Variants in DPH6 observed in about 807,000 individuals in gnomAD.
The protein encoded by DPH6 is diphthamine biosynthesis 6, also known as diphthine--ammonia ligase.
DPH6 carries 33 observed loss-of-function variants against 38.2 expected under a neutral mutation model. That is an observed-to-expected ratio of 0.86 (90% CI 0.65 to 1.15). The LOEUF (loss-of-function observed/expected upper bound fraction) is 1.15, where lower values mean the gene tolerates loss of function less well. DPH6 is among the 50% of genes most tolerant of loss of function. DPH6 has a pLI of 0.00. For synonymous variants in DPH6, 108 were observed against 103.0 expected, an observed-to-expected ratio of 1.05 and a Z score of -0.30; for missense variants, 325 against 320.0, an observed-to-expected ratio of 1.02 and a Z score of -0.12.
intron 3 of DPH6, among the ~76,000 whole-genome samples, chr15:35,256,165 A>C (rs2140413453): frequency 6.6e-6 from 1 of 152,266 alleles, no homozygotes; most frequent in East Asian, 1.9e-4. Flanking sequence ...TAATAAGGCA[A>C]TATTTACAAA....
chr15:35,353,144 A>T (rs946671226), intron 3 of DPH6, among the ~76,000 whole-genome samples: 1 of 151,746 alleles, frequency 6.6e-6, no homozygotes, highest in Non-Finnish European at 1.5e-5. Flanking sequence ...TTTTCTTGTA[A>T]ATTTGTTTGA....
chr15:35,348,388 T>C (rs761614075), intron 3 of DPH6, among the ~76,000 whole-genome samples: 2 of 152,202 alleles, frequency 1.3e-5, no homozygotes, highest in Non-Finnish European at 2.9e-5. Flanking sequence ...TTTCCCAACA[T>C]CTTTTGTTGA....
chr15:35,305,190 C>G (rs561048798), intron 3 of DPH6, among the ~76,000 whole-genome samples: 2 of 152,112 alleles, frequency 1.3e-5, no homozygotes, highest in African/African-American at 4.8e-5. Context: ...GTTGGTTCTA[C>G]TATAGATGAT....
intron 3 of DPH6, among the ~76,000 whole-genome samples, chr15:35,222,635 G>C (rs1396073180): frequency 6.6e-6 from 1 of 151,984 alleles, no homozygotes; most frequent in Non-Finnish European, 1.5e-5. Flanking sequence ...TATGAACTGG[G>C]GTACAGAAAA....
At chr15:35,321,418 T>C (rs1186791635) in intron 3 of DPH6, among the ~76,000 whole-genome samples, 1 of 152,272 alleles carries the variant, frequency 6.6e-6, no homozygotes, top group Non-Finnish European at 1.5e-5. Flanking sequence ...TATTTTCATC[T>C]AGATATAGTT....
At chr15:35,349,535 C>G (rs1191937043) in intron 3 of DPH6, among the ~76,000 whole-genome samples, 1 of 152,126 alleles carries the variant, frequency 6.6e-6, no homozygotes, top group African/African-American at 2.4e-5. Context: ...CTTCTGGGTT[C>G]AAGCAATTCT....
intron 3 of DPH6, among the ~76,000 whole-genome samples, chr15:35,342,870 T>G (rs781185181): frequency 6.6e-5 from 10 of 152,212 alleles, no homozygotes; most frequent in Non-Finnish European, 1.2e-4. Flanking sequence ...CTTTAAGATA[T>G]CAAATGAGAA....
At chr15:35,361,214 G>A (rs2052611556) in intron 3 of DPH6, among the ~76,000 whole-genome samples, 1 of 152,184 alleles carries the variant, frequency 6.6e-6, no homozygotes, top group Non-Finnish European at 1.5e-5. Flanking sequence ...GCCCTCCAAA[G>A]TCTTGGGCAT....
chr15:35,223,026 G>T (rs143098838), intron 3 of DPH6, among the ~76,000 whole-genome samples: 1 of 152,122 alleles, frequency 6.6e-6, no homozygotes, highest in Non-Finnish European at 1.5e-5. Context: ...TTTCACAGTT[G>T]TAACAAGTTA....
chr15:35,521,575 ATG>A lies in DPH6; in HGVS notation c.312+16697_312+16698del, dbSNP rs769555238. ...AGAAAGTGTCATGAACTGTGAGAAA[ATG>A]TATTTGCAATATTGCTTTTCATCTA... On this transcript the variant is annotated intron_variant, in intron 3 of 8. Transcript: ENST00000256538. 40 of 1,227,112 alleles carry A rather than the reference ATG, an allele frequency of 3.3e-5. No homozygotes were observed. The East Asian group carries it at 7.3e-4, about 22-fold the overall frequency. The allele number at this position is 1,227,112 out of a possible 1,614,324, so 76.0% of individuals were successfully genotyped here.
chr15:35,298,606 G>A, intron 3 of DPH6: 1 of 844,522 alleles, frequency 1.2e-6, no homozygotes, highest in Non-Finnish European at 2.1e-6. Context: ...CTTTCTCCGT[G>A]GCGTCACCCA....
the DPH6 span, among the ~76,000 whole-genome samples, chr15:35,167,497 C>T: frequency 6.6e-6 from 1 of 151,184 alleles, no homozygotes; most frequent in Non-Finnish European, 1.5e-5. Flanking sequence ...AATTCATTGA[C>T]CGTAGCCTGT....
At chr15:35,522,846 T>C (rs1048099510) in intron 3 of DPH6, among the ~76,000 whole-genome samples, 1 of 152,262 alleles carries the variant, frequency 6.6e-6, no homozygotes, top group Admixed American at 6.5e-5. Context: ...CACAAATGCA[T>C]TGTAGAAAAA....
At chr15:35,460,488 T>C (rs2054051596) in intron 3 of DPH6, among the ~76,000 whole-genome samples, 1 of 152,220 alleles carries the variant, frequency 6.6e-6, no homozygotes. Flanking sequence ...CAAGTGAGAC[T>C]ATTCTGCTTA....
intron 3 of DPH6, among the ~76,000 whole-genome samples, chr15:35,306,432 T>C (rs753547207): frequency 2.0e-5 from 3 of 152,170 alleles, no homozygotes; most frequent in Non-Finnish European, 2.9e-5. Context: ...TGCCCCTTAT[T>C]GAGTCATGGT....
At chr15:35,368,761 G>T (rs1042969980), downstream of DPH6, among the ~76,000 whole-genome samples, 1 of 151,778 alleles carries the variant, frequency 6.6e-6, no homozygotes, top group Non-Finnish European at 1.5e-5. Context: ...AGGGAATAAA[G>T]ACACTTTGAG....
chr15:35,496,567 A>AAAAAAAAAAAAAAATATATATATATATAT, intron 3 of DPH6, among the ~76,000 whole-genome samples: 3 of 31,008 alleles, frequency 9.7e-5, no homozygotes, highest in African/African-American at 4.1e-4. Context: ...AAAAAAAAAA[A>AAAAAAAAAAAAAAATATATATATATATAT]ATATATATAT....
chr15:35,368,116 C>T (rs940456667), downstream of DPH6, among the ~76,000 whole-genome samples: 1 of 151,816 alleles, frequency 6.6e-6, no homozygotes, highest in African/African-American at 2.4e-5. Flanking sequence ...AGGTTATTTG[C>T]AACAAGAAAG....
chr15:35,458,487 G>T (rs953419263), intron 3 of DPH6, among the ~76,000 whole-genome samples: 1 of 152,100 alleles, frequency 6.6e-6, no homozygotes, highest in Non-Finnish European at 1.5e-5. Context: ...ATATTTAAAA[G>T]ATAAAGATCT....
Sources: allele counts gnomAD v4.1 joint callset (sites outside exome capture counted in the v4.1 genomes callset), GRCh38; gene constraint gnomAD v4.1.1; transcripts MANE v1.5; gene names NCBI Gene and HGNC (gene_info 2026-07-23, HGNC 2026-07-21).